The following TCF25 variants were observed in gnomAD, a reference collection of about 807,000 sequenced individuals.
TCF25 encodes the protein ribosome quality control complex subunit TCF25.
A neutral mutation model predicts 83.1 loss-of-function variants in TCF25; 41 were observed. That is an observed-to-expected ratio of 0.49 (90% CI 0.38 to 0.64). The LOEUF (loss-of-function observed/expected upper bound fraction) is 0.64, where lower values mean the gene tolerates loss of function less well. Ranked by LOEUF, TCF25 falls within the 30% of genes least tolerant of loss-of-function variation. The pLI is 0.00. For synonymous variants in TCF25, 458 were observed against 365.0 expected, an observed-to-expected ratio of 1.25 and a Z score of -2.90; for missense variants, 979 against 914.5, an observed-to-expected ratio of 1.07 and a Z score of -0.91.
chr16:89,899,434 C>T (rs10153055), intron 11 of TCF25, among the ~76,000 whole-genome samples: 26,666 of 152,152 alleles, frequency 0.18, 3,225 homozygotes, highest in African/African-American at 0.33. Flanking sequence ...ATGCAGCTCC[C>T]AGAAAATTTA....
In TCF25 at chr16:89,900,784, G is replaced by A; in HGVS notation, c.1371G>A (p.Met457Ile). Residue 457 changes from methionine to isoleucine, a missense_variant, in exon 12 of 18, where the codon ATG becomes ATA. Met to Ile is a conservative substitution (Grantham distance 10). Coordinates refer to ENST00000263346, the MANE Select transcript of TCF25 (RefSeq NM_014972.3). ...ASLLIQQALT[M>I]FPGVLLPLLE... ...TCCTGATACAGCAGGCGCTCACCAT[G>A]TTCCCTGGAGGTGAGTGAGCGCTGT... The A allele has an allele frequency of 6.3e-7, 1 of 1,579,118 alleles. No homozygotes were observed. Among genetic ancestry groups the A allele is most frequent in the Non-Finnish European group, 8.7e-7 (1 of 1,151,342 alleles).
chr16:89,885,637 G>A (rs541256001), intron 3 of TCF25, among the ~76,000 whole-genome samples: 1 of 152,146 alleles, frequency 6.6e-6, no homozygotes, highest in Non-Finnish European at 1.5e-5. Flanking sequence ...GGTCCTTCTG[G>A]TTCTGTGATT....
In TCF25 at chr16:89,897,814, A is replaced by G. The variant is rs1369682159; in HGVS notation, c.1023-743A>G. ...CCTGTAAATGATAAATAATAAACAA[A>G]AAAACAAGATAAAGATTTCAGCGGG... On this transcript the variant is annotated intron_variant, in intron 9 of 17. Transcript: ENST00000263346. Among the ~76,000 whole-genome samples, 3 of 147,406 alleles carry G rather than the reference A, an allele frequency of 2.0e-5. No homozygotes were observed. The East Asian group carries it at 5.8e-4, about 28-fold the overall frequency.
intron 4 of TCF25, chr16:89,886,241 C>T: frequency 2.6e-6 from 1 of 390,116 alleles, no homozygotes. Flanking sequence ...TCCTGGCTAA[C>T]ATGGTGAAAC....
intron 1 of TCF25, chr16:89,878,352 A>G (rs2042344902): frequency 9.4e-7 from 1 of 1,061,508 alleles, no homozygotes; most frequent in Non-Finnish European, 1.2e-6. Flanking sequence ...GTGGGAGGCC[A>G]AGGCGGGTGG....
rs1343345544 is a variant in TCF25 at position 89,884,850 on chromosome 16, C to T, written c.429+194C>T. 2.0e-4 allele frequency among the ~76,000 whole-genome samples: 20 copies of T among 97,868 alleles called. 3 individuals carry two copies. Among genetic ancestry groups the T allele is most frequent in the African/African-American group, 1.4e-3 (20 of 14,040 alleles). The allele number at this position is 97,868 out of a possible 152,430, so 64.2% of individuals were successfully genotyped here. On this transcript the variant is annotated intron_variant, in intron 3 of 17. Coordinates refer to ENST00000263346, the MANE Select transcript of TCF25 (RefSeq NM_014972.3). ...TCTCCCTCTGTCTGACGCCCTCCGT[C>T]TGCCTGACGCCCTCTCCCTCTGCCT...
At chr16:89,897,315 A>G (rs2043940078) in intron 9 of TCF25, among the ~76,000 whole-genome samples, 1 of 152,238 alleles carries the variant, frequency 6.6e-6, no homozygotes, top group Admixed American at 6.5e-5. Context: ...GGTCAGACCT[A>G]GACTGGCTTC....
At chr16:89,886,092 A>G (rs1467310479) in intron 4 of TCF25, 126 bp downstream of exon 4, 4 of 655,268 alleles carry the variant, frequency 6.1e-6, no homozygotes, top group East Asian at 3.6e-5. Flanking sequence ...AAGGTTCTCT[A>G]AAAAAGGAAA....
chr16:89,900,561 C>T, intron 11 of TCF25, 74 bp from the exon 12 acceptor site: 8 of 1,487,720 alleles, frequency 5.4e-6, no homozygotes, highest in Non-Finnish European at 7.3e-6. Context: ...CTGGTGATGT[C>T]AGAGCGTCTG....
chr16:89,882,464 G>T (rs1276730483), intron 1 of TCF25, among the ~76,000 whole-genome samples: 1 of 152,196 alleles, frequency 6.6e-6, no homozygotes, highest in South Asian at 2.1e-4. Context: ...TTGAACCCAG[G>T]AGGCCAAGGC....
At chr16:89,887,185 C>T (rs559486461) in intron 4 of TCF25, among the ~76,000 whole-genome samples, 4 of 152,138 alleles carry the variant, frequency 2.6e-5, no homozygotes, top group Admixed American at 6.6e-5. Flanking sequence ...AGGTGTGAAC[C>T]ACCACGTCTG....
intron 7 of TCF25, among the ~76,000 whole-genome samples, chr16:89,894,389 G>GC (rs968390129): frequency 3.3e-5 from 5 of 149,992 alleles, no homozygotes; most frequent in Non-Finnish European, 7.4e-5. Context: ...GCCCCAGACA[G>GC]CCCCCGGGCG....
At chr16:89,875,773 C>T (rs996740523) in intron 1 of TCF25, among the ~76,000 whole-genome samples, 2 of 147,294 alleles carry the variant, frequency 1.4e-5, no homozygotes, top group Non-Finnish European at 1.5e-5. Context: ...CCGCCTGCCT[C>T]GGCCTCCCAA....
At chr16:89,877,673 C>G (rs893469168) in intron 1 of TCF25, among the ~76,000 whole-genome samples, 2 of 152,034 alleles carry the variant, frequency 1.3e-5, no homozygotes, top group African/African-American at 4.8e-5. Context: ...AGTATGGACA[C>G]GATGGAGAGA....
intron 14 of TCF25, 175 bp from the exon 15 acceptor site, chr16:89,906,019 G>C (rs1344355111): frequency 3.2e-6 from 2 of 615,974 alleles, no homozygotes; most frequent in Non-Finnish European, 2.9e-6. Flanking sequence ...CCCAGCCGCA[G>C]GCCAGGGACC....
chr16:89,889,060 G>A (rs913176322), intron 5 of TCF25, among the ~76,000 whole-genome samples: 3 of 151,924 alleles, frequency 2.0e-5, no homozygotes, highest in Middle Eastern at 3.2e-3. Flanking sequence ...GGCTGGCTGC[G>A]ATGGGGAGCA....
At chr16:89,903,331 G>A (rs1231912312) in intron 12 of TCF25, among the ~76,000 whole-genome samples, 1 of 152,260 alleles carries the variant, frequency 6.6e-6, no homozygotes, top group South Asian at 2.1e-4. Flanking sequence ...GGCACAGGTG[G>A]CCTCCGCTCC....
chr16:89,878,726 T>C (rs1187671756), intron 1 of TCF25: 35 of 902,682 alleles, frequency 3.9e-5, no homozygotes, highest in Admixed American at 3.5e-4. Context: ...CTGCAAGCTC[T>C]GCCTCCTGGA....
At chr16:89,907,488 C>T (rs185800015) in intron 16 of TCF25, among the ~76,000 whole-genome samples, 166 bp downstream of exon 16, 23 of 117,162 alleles carry the variant, frequency 2.0e-4, no homozygotes, top group Middle Eastern at 4.3e-3. Flanking sequence ...CACCTCCCAG[C>T]TCCCACCTCC....
Sources: allele counts gnomAD v4.1 joint callset (sites outside exome capture counted in the v4.1 genomes callset), GRCh38; gene constraint gnomAD v4.1.1; transcripts MANE v1.5; gene names NCBI Gene and HGNC (gene_info 2026-07-23, HGNC 2026-07-21).